GPATCH2: variants seen among roughly 807,000 people sequenced by gnomAD.
The protein encoded by GPATCH2 is G-patch domain containing 2.
GPATCH2 carries 51 observed loss-of-function variants against 58.0 expected under a neutral mutation model. The observed-to-expected ratio is 0.88, with a 90% CI of 0.70 to 1.11. GPATCH2 has a LOEUF of 1.11. Among genes scored for constraint, GPATCH2 ranks in the 50% most tolerant of loss-of-function variants. The pLI, the probability that GPATCH2 is intolerant of heterozygous loss-of-function variation, is 0.00. For synonymous variants in GPATCH2, 222 were observed against 218.5 expected, an observed-to-expected ratio of 1.02 and a Z score of -0.14; for missense variants, 625 against 652.2, an observed-to-expected ratio of 0.96 and a Z score of 0.45.
At chr1:217,523,266 G>A (rs1663568126) in intron 5 of GPATCH2, among the ~76,000 whole-genome samples, 1 of 151,758 alleles carries the variant, frequency 6.6e-6, no homozygotes, top group East Asian at 1.9e-4. Flanking sequence ...GGGAAGGTCA[G>A]CAGATAAACA....
At chr1:217,485,222 C>G (rs1333520827) in intron 8 of GPATCH2, among the ~76,000 whole-genome samples, 1 of 152,138 alleles carries the variant, frequency 6.6e-6, no homozygotes, top group African/African-American at 2.4e-5. Flanking sequence ...AATAAATTTG[C>G]CATTCCTCTG....
intron 6 of GPATCH2, among the ~76,000 whole-genome samples, chr1:217,499,752 A>G (rs1236352759): frequency 6.7e-6 from 1 of 149,678 alleles, no homozygotes; most frequent in African/African-American, 2.5e-5. Context: ...TTTTTTATTT[A>G]AAGACAAACA....
intron 6 of GPATCH2, among the ~76,000 whole-genome samples, chr1:217,513,867 C>A (rs1223464418): frequency 6.6e-6 from 1 of 151,658 alleles, no homozygotes; most frequent in Non-Finnish European, 1.5e-5. Context: ...CCCTGTTGCC[C>A]AGGCTGGAAT....
At chr1:217,456,653 T>A (rs1363265378) in intron 8 of GPATCH2, among the ~76,000 whole-genome samples, 1 of 152,200 alleles carries the variant, frequency 6.6e-6, no homozygotes, top group Non-Finnish European at 1.5e-5. Context: ...CATACTTTTC[T>A]AGCAAGAGGA....
At position 217,554,700 on chromosome 1, in the gene GPATCH2, T is replaced by G. The variant is rs919402949; in HGVS notation, c.1099-39811A>C. On this transcript the variant is annotated intron_variant, in intron 5 of 9. Coordinates refer to ENST00000366935, the MANE Select transcript of GPATCH2 (RefSeq NM_018040.5). ...TTGGAAGTAGGTGGAATGTAAATCC[T>G]ATACAAATTATAGTAATATTTTAAA... Among the ~76,000 whole-genome samples the G allele has an allele frequency of 4.3e-4, 66 of 152,314 alleles. 1 individual carries two copies. Among genetic ancestry groups the G allele is most frequent in the African/African-American group, 1.6e-3 (66 of 41,572 alleles).
chr1:217,618,061 C>G (rs1476713671), intron 2 of GPATCH2, among the ~76,000 whole-genome samples: 1 of 152,038 alleles, frequency 6.6e-6, no homozygotes, highest in African/African-American at 2.4e-5. Context: ...CTGCCACATA[C>G]TCTCCCTCCC....
rs368833528 is a variant in GPATCH2, at chr1:217,511,159, T to G, written c.1166+3663A>C. On this transcript the variant is annotated intron_variant, in intron 6 of 9. Transcript: ENST00000366935. ...AAAATAAAATTAGAAACTATATACC[T>G]AAATTTGCAAAATGCTTTATGATGT... Among the ~76,000 whole-genome samples the G allele has an allele frequency of 7.9e-5, 12 of 151,920 alleles. No homozygotes were observed. In the East Asian group the frequency reaches 1.9e-3, roughly 24 times the overall value.
intron 6 of GPATCH2, among the ~76,000 whole-genome samples, chr1:217,510,125 T>A (rs935248873): frequency 2.6e-5 from 4 of 152,204 alleles, no homozygotes; most frequent in African/African-American, 9.6e-5. Flanking sequence ...ACAACAGTGG[T>A]CTTTACCATT....
intron 8 of GPATCH2, among the ~76,000 whole-genome samples, chr1:217,463,739 G>C (rs1354895779): frequency 6.7e-6 from 1 of 148,528 alleles, no homozygotes; most frequent in Non-Finnish European, 1.5e-5. Context: ...AAGATAGCTT[G>C]AGCCCAGGAG....
At chr1:217,502,253 A>G (rs1197877144) in intron 6 of GPATCH2, among the ~76,000 whole-genome samples, 1 of 152,036 alleles carries the variant, frequency 6.6e-6, no homozygotes. Context: ...TATATCTACA[A>G]AAAATCTTGC....
intron 7 of GPATCH2, 32 bp downstream of exon 7, chr1:217,498,324 G>A (rs750917648): frequency 1.3e-6 from 2 of 1,558,358 alleles, no homozygotes; most frequent in Admixed American, 1.7e-5. Context: ...AAGAGGCTGA[G>A]TAACTTCCTT....
At chr1:217,513,111 G>A (rs1346591446) in intron 6 of GPATCH2, among the ~76,000 whole-genome samples, 1 of 152,114 alleles carries the variant, frequency 6.6e-6, no homozygotes, top group Non-Finnish European at 1.5e-5. Flanking sequence ...CCAACACGGG[G>A]ATACCCCATC....
rs573456505 is a variant in GPATCH2, at chr1:217,427,210, A to G, written c.*3935T>C. On this transcript the variant is annotated 3_prime_UTR_variant, in exon 10 of 10. Coordinates refer to ENST00000366935, the MANE Select transcript of GPATCH2 (RefSeq NM_018040.5). ...GTGTGTACCTTGTTACATTAGAATC[A>G]CAGAATCCTTGAGGGGAAAGAGACC... 1 of 152,310 alleles carries G rather than the reference A, an allele frequency of 6.6e-6. No individual in the cohort carries two copies. The highest frequency in any genetic ancestry group is 1.9e-4 in the East Asian group (1 of 5,178). The allele number at this position is 152,310 out of a possible 1,614,324, so 9.4% of individuals were successfully genotyped here.
rs553229149 is a variant in GPATCH2 at position 217,528,105 on chromosome 1, T to C, written c.1099-13216A>G. Among the ~76,000 whole-genome samples the C allele has an allele frequency of 1.3e-4, 20 of 152,226 alleles. 1 individual carries two copies. In the South Asian group the frequency reaches 3.7e-3, roughly 28 times the overall value. On this transcript the variant is annotated intron_variant, in intron 5 of 9. Transcript: ENST00000366935. ...AAACAAGTTATGAATCAAAAGGGTA[T>C]ATATATTGGAAATGAGGAAATAAAC...
At chr1:217,556,644 A>C (rs1665639812) in intron 5 of GPATCH2, among the ~76,000 whole-genome samples, 1 of 152,158 alleles carries the variant, frequency 6.6e-6, no homozygotes, top group Non-Finnish European at 1.5e-5. Context: ...CCAGTTTTAT[A>C]CTATTACAAA....
intron 5 of GPATCH2, among the ~76,000 whole-genome samples, chr1:217,597,224 TCAGGAGGCTGAGG>T (rs1667877833): frequency 6.6e-6 from 1 of 151,508 alleles, no homozygotes; most frequent in African/African-American, 2.4e-5. Context: ...TACTAGCTAC[TCAGGAGGCTGAGG>T]CAGGAGGATC....
At chr1:217,630,203 T>C (rs1005434956) in intron 1 of GPATCH2, among the ~76,000 whole-genome samples, 2 of 152,142 alleles carry the variant, frequency 1.3e-5, no homozygotes, top group Admixed American at 1.3e-4. Context: ...CAGGGCAACT[T>C]TGGACACGGT....
intron 8 of GPATCH2, among the ~76,000 whole-genome samples, chr1:217,455,958 C>CA (rs1169368700): frequency 1.1e-4 from 16 of 151,952 alleles, no homozygotes; most frequent in African/African-American, 3.9e-4. Flanking sequence ...TGGGGATAGT[C>CA]AGAGAGGAAT....
chr1:217,482,976 T>G (rs1160808230), intron 8 of GPATCH2, among the ~76,000 whole-genome samples: 1 of 152,312 alleles, frequency 6.6e-6, no homozygotes. Context: ...TAGTTTATGT[T>G]TCCTAGAATT....
Sources: gnomAD v4.1 joint callset for allele counts (sites outside exome capture counted in the v4.1 genomes callset) on GRCh38, gnomAD v4.1.1 for gene constraint, MANE v1.5 for transcripts, NCBI Gene and HGNC (gene_info 2026-07-23, HGNC 2026-07-21) for gene names.